The following CDC42BPB variants were observed in gnomAD, a reference collection of about 807,000 sequenced individuals.
CDC42BPB encodes the protein serine/threonine-protein kinase MRCK beta.
In CDC42BPB, 37 loss-of-function variants were observed where a neutral mutation model predicts 214.9. The ratio of observed to expected loss-of-function variants is 0.17; its 90% confidence interval spans 0.13 to 0.23. The LOEUF is 0.23. CDC42BPB is among the 10% of genes least tolerant of loss of function. The pLI, the probability that CDC42BPB is intolerant of heterozygous loss-of-function variation, is 1.00. For missense variants in CDC42BPB, 1,694 were observed against 2,227.0 expected (o/e 0.76, Z 4.82); for synonymous variants, 931 against 884.0 (o/e 1.05, Z -0.94).
chr14:103,040,916 A>T (rs1435610090), intron 1 of CDC42BPB, among the ~76,000 whole-genome samples: 3 of 152,228 alleles, frequency 2.0e-5, no homozygotes, highest in Non-Finnish European at 4.4e-5. Context: ...TTAGAAACTG[A>T]CAAGCTGTTC....
intron 25 of CDC42BPB, 113 bp from the exon 26 acceptor site, chr14:102,950,017 T>A: frequency 6.5e-7 from 1 of 1,528,398 alleles, no homozygotes; most frequent in Non-Finnish European, 8.7e-7. Flanking sequence ...CAGAGCTGTT[T>A]GGACAGAGGG....
intron 1 of CDC42BPB, among the ~76,000 whole-genome samples, chr14:103,048,293 T>C (rs1276406855): frequency 2.0e-5 from 3 of 151,898 alleles, no homozygotes; most frequent in African/African-American, 7.3e-5. Context: ...CCTGTAATCC[T>C]AGCACTTCAG....
intron 1 of CDC42BPB, among the ~76,000 whole-genome samples, chr14:103,020,308 C>T (rs1886695983): frequency 6.6e-6 from 1 of 152,208 alleles, no homozygotes; most frequent in South Asian, 2.1e-4. Flanking sequence ...AGACGTCTCG[C>T]CCCCGAGTCG....
intron 16 of CDC42BPB, chr14:102,967,409 T>C: frequency 1.1e-6 from 1 of 947,270 alleles, no homozygotes; most frequent in African/African-American, 1.8e-5. Flanking sequence ...AATTGGCATC[T>C]TTTCGCTGAA....
intron 14 of CDC42BPB, among the ~76,000 whole-genome samples, chr14:102,969,325 G>T (rs1037611296): frequency 6.6e-6 from 1 of 152,166 alleles, no homozygotes; most frequent in African/African-American, 2.4e-5. Context: ...CTGCTGGGCT[G>T]GAGCAGGCAG....
chr14:102,991,161 C>T (rs891234268), intron 5 of CDC42BPB, among the ~76,000 whole-genome samples: 3 of 152,196 alleles, frequency 2.0e-5, no homozygotes, highest in Admixed American at 6.5e-5. Flanking sequence ...ATCTTAACTG[C>T]GTGATGGGTT....
At position 102,992,786 on chromosome 14, in the gene CDC42BPB, T is replaced by C. The variant is rs370727917; in HGVS notation, c.597-6206A>G. On this transcript the variant is annotated intron_variant, in intron 5 of 36. Transcript: ENST00000361246. ...ATTCAAAAAATATATATTAAAAATA[T>C]ATATATTCAAAAATATATATTAAAA... is the stretch of plus-strand genomic sequence containing the variant. 3.4e-5 allele frequency among the ~76,000 whole-genome samples: 5 copies of C among 148,376 alleles called. No individual in the cohort carries two copies. In the East Asian group the frequency reaches 5.8e-4, roughly 17 times the overall value.
At chr14:103,055,731 C>CAAAA (rs1888911275) in intron 1 of CDC42BPB, among the ~76,000 whole-genome samples, 1 of 152,242 alleles carries the variant, frequency 6.6e-6, no homozygotes, top group Non-Finnish European at 1.5e-5. Context: ...AATATTGCAA[C>CAAAA]TTAAGTTTTA....
chr14:103,020,674 G>A (rs1886721674), intron 1 of CDC42BPB, among the ~76,000 whole-genome samples: 1 of 152,214 alleles, frequency 6.6e-6, no homozygotes. Context: ...CCCCGTGAGA[G>A]AGAGAGCACA....
chr14:103,049,501 AATG>A (rs1440627541), intron 1 of CDC42BPB, among the ~76,000 whole-genome samples: 10 of 152,218 alleles, frequency 6.6e-5, no homozygotes, highest in Non-Finnish European at 1.3e-4. Context: ...TCCTAACTAA[AATG>A]ATAAGTAGAA....
At chr14:103,052,739 C>T (rs561393535) in intron 1 of CDC42BPB, among the ~76,000 whole-genome samples, 1 of 152,326 alleles carries the variant, frequency 6.6e-6, no homozygotes, top group Admixed American at 6.5e-5. Context: ...GTGACACCAG[C>T]ATCAAGCCTG....
intron 1 of CDC42BPB, among the ~76,000 whole-genome samples, chr14:103,017,505 A>G (rs1380482903): frequency 2.0e-5 from 3 of 152,178 alleles, no homozygotes; most frequent in Non-Finnish European, 4.4e-5. Context: ...CCTGAAATCA[A>G]GCAATCAGAG....
chr14:102,998,377 C>A (rs776141077), intron 5 of CDC42BPB, among the ~76,000 whole-genome samples: 1 of 152,200 alleles, frequency 6.6e-6, no homozygotes, highest in Non-Finnish European at 1.5e-5. Context: ...AGTTACCTGA[C>A]CAAGTGTAAT....
chr14:102,944,465 A>G lies in CDC42BPB; in HGVS notation c.3834T>C (p.Cys1278=), dbSNP rs1200312529. 4.3e-6 allele frequency: 7 copies of G among 1,612,130 alleles called. 1 individual carries two copies. The highest frequency in any genetic ancestry group is 5.9e-6 in the Non-Finnish European group (7 of 1,179,392). Residue 1278 remains cysteine, a synonymous_variant, in exon 30 of 37, where the codon TGT becomes TGC. Transcript: ENST00000361246. This position sits in a 1 kb window ranked among gnomAD's most constrained non-coding sequence, Gnocchi z 6.6. ...CAAGCTCGATCTGGTGTACCTTCTT[A>G]CAGTCAGCGGCACGGACGATCACTG... is the stretch of plus-strand genomic sequence containing the variant. ...TRDVIVRAAD[C]KKVHQIELAP...
Position 102,944,366 on chromosome 14 carries a change from A to G in CDC42BPB, c.3933T>C (p.Leu1311=). The G allele has an allele frequency of 6.2e-7, 1 of 1,613,156 alleles. No homozygotes were observed. ...TGTCAAAGCTGCCTTCCGCTCCATC[A>G]AGGGACGACCACGGATAGAGGTGCA... ...HHVHLYPWSS[L]DGAEGSFDIK... The change falls in exon 30 of 37, where the codon CTT becomes CTC. Residue 1311 remains leucine (L), a synonymous_variant. Transcript: ENST00000361246. The surrounding 1 kb of genome is among the most constrained non-coding windows in gnomAD (Gnocchi z 6.6).
At chr14:102,965,685 G>T (rs1474624053) in intron 18 of CDC42BPB, among the ~76,000 whole-genome samples, 3 of 152,154 alleles carry the variant, frequency 2.0e-5, no homozygotes, top group Non-Finnish European at 1.5e-5. Flanking sequence ...GGCCAGGTGT[G>T]GGGGCTCATG....
intron 1 of CDC42BPB, among the ~76,000 whole-genome samples, chr14:103,055,527 C>G (rs967039503): frequency 6.6e-6 from 1 of 152,216 alleles, no homozygotes. Context: ...AGTTGGAAAT[C>G]GTGTCACTGA....
At position 102,933,765 on chromosome 14, in the gene CDC42BPB, G is replaced by C. The variant is rs760303410; in HGVS notation, c.5083C>G (p.His1695Asp). ...CCTTCGAGGGGGAGCTGGCTCCTGT[G>C]GGGGGAGTTGGGGCTCGGTGGGCCG... ...PSGPPSPNSPHRSQLPLEGLE... is the reference protein window; with the variant it reads ...PSGPPSPNSPDRSQLPLEGLE... Residue 1695 changes from histidine (H) to aspartate (D), a missense_variant, in exon 37 of 37, where the codon CAC (histidine) becomes GAC (aspartate). By Grantham distance (81) the His-to-Asp change is moderately conservative. This residue lies in a region of CDC42BPB where 146 missense variants were observed against 134.1 expected (regional missense o/e 1.09). Coordinates refer to ENST00000361246, the MANE Select transcript of CDC42BPB (RefSeq NM_006035.4). The C allele has an allele frequency of 6.0e-6, 9 of 1,500,192 alleles. No homozygotes were observed. The Admixed American group carries it at 2.1e-4, about 34-fold the overall frequency. 92.9% of individuals were successfully genotyped at this position (1,500,192 alleles called of 1,614,324 possible).
At chr14:102,936,247 G>A (rs1240110250) in intron 36 of CDC42BPB, among the ~76,000 whole-genome samples, 2 of 152,166 alleles carry the variant, frequency 1.3e-5, no homozygotes, top group East Asian at 1.9e-4. Context: ...CCCACTCACA[G>A]GCATAAACCC....
Sources: gnomAD v4.1 joint callset for allele counts (sites outside exome capture counted in the v4.1 genomes callset) on GRCh38, gnomAD v4.1.1 for gene constraint, gnomAD v4.1.1 regional missense constraint, Gnocchi (gnomAD v3.1) non-coding constraint, MANE v1.5 for transcripts, NCBI Gene and HGNC (gene_info 2026-07-23, HGNC 2026-07-21) for gene names.